Variants in SREK1 observed in about 807,000 individuals in gnomAD.
The protein encoded by SREK1 is splicing regulatory glutamine/lysine-rich protein 1.
A neutral mutation model predicts 66.5 loss-of-function variants in SREK1; 13 were observed. The ratio of observed to expected loss-of-function variants is 0.20; its 90% CI spans 0.13 to 0.31. The LOEUF (loss-of-function observed/expected upper bound fraction) is 0.31. Among genes scored for constraint, SREK1 ranks in the 10% least tolerant of loss-of-function variants. The pLI, the probability that SREK1 is intolerant of heterozygous loss-of-function variation, is 1.00. For synonymous variants in SREK1, 265 were observed against 263.5 expected, an observed-to-expected ratio of 1.01 and a Z score of -0.05; for missense variants, 607 against 769.6, an observed-to-expected ratio of 0.79 and a Z score of 2.50.
intron 2 of SREK1, among the ~76,000 whole-genome samples, chr5:66,155,435 A>G (rs886447768): frequency 6.6e-6 from 1 of 152,232 alleles, no homozygotes; most frequent in Non-Finnish European, 1.5e-5. Flanking sequence ...CGAGAATTTC[A>G]CAGTGAGCTG....
At chr5:66,150,516 A>G (rs537042064) in intron 1 of SREK1, among the ~76,000 whole-genome samples, 69 of 152,328 alleles carry the variant, frequency 4.5e-4, no homozygotes, top group African/African-American at 1.4e-3. Context: ...CCTTTAAGGA[A>G]ATTTGATATG....
At chr5:66,155,534 A>G (rs1426323866) in intron 2 of SREK1, among the ~76,000 whole-genome samples, 2 of 152,232 alleles carry the variant, frequency 1.3e-5, no homozygotes, top group Admixed American at 6.5e-5. Context: ...TAACCAAAGA[A>G]AAGTATTCCA....
At chr5:66,162,050 T>C in intron 3 of SREK1, 59 bp from the exon 4 acceptor site, 1 of 1,552,198 alleles carries the variant, frequency 6.4e-7, no homozygotes, top group East Asian at 2.3e-5. Context: ...TAGAGAATGG[T>C]ATCTTTGGAT....
chr5:66,156,815 T>C (rs1744323047), intron 2 of SREK1: 1 of 985,408 alleles, frequency 1.0e-6, no homozygotes, highest in Non-Finnish European at 1.2e-6. Context: ...AACTTAAGTA[T>C]TTGCATGTAG....
At chr5:66,154,952 A>G (rs1213336142) in intron 2 of SREK1, among the ~76,000 whole-genome samples, 2 of 152,216 alleles carry the variant, frequency 1.3e-5, no homozygotes, top group Non-Finnish European at 2.9e-5. Context: ...AAATCAGGTA[A>G]AAGGTTTATT....
chr5:66,156,101 C>T (rs1315009170), intron 2 of SREK1: 1 of 1,512,574 alleles, frequency 6.6e-7, no homozygotes, highest in Non-Finnish European at 8.8e-7. Context: ...GTTACACTTG[C>T]CTGAGTTAGG....
At chr5:66,148,730 G>C (rs1743489555) in intron 1 of SREK1, among the ~76,000 whole-genome samples, 1 of 152,122 alleles carries the variant, frequency 6.6e-6, no homozygotes, top group Non-Finnish European at 1.5e-5. Context: ...CTAAAGTGCT[G>C]GGGTGACAGA....
At chr5:66,153,818 G>T in intron 2 of SREK1, 5 of 481,894 alleles carry the variant, frequency 1.0e-5, no homozygotes, top group East Asian at 4.1e-5. Flanking sequence ...ATTGGCTTCT[G>T]GTTTGCTTTG....
chr5:66,168,140 T>C (rs1745320479), intron 7 of SREK1: 1 of 151,676 alleles, frequency 6.6e-6, no homozygotes, highest in Non-Finnish European at 1.5e-5. Flanking sequence ...AAAAAAAATA[T>C]GGAATGAAGA....
intron 9 of SREK1, 108 bp downstream of exon 9, chr5:66,171,055 G>A: frequency 2.3e-6 from 3 of 1,314,176 alleles, no homozygotes; most frequent in Non-Finnish European, 3.1e-6. Flanking sequence ...AACCTGTAAA[G>A]TAATATAAGA....
At chr5:66,161,108 A>G (rs967704324) in intron 3 of SREK1, among the ~76,000 whole-genome samples, 1 of 152,178 alleles carries the variant, frequency 6.6e-6, no homozygotes, top group Non-Finnish European at 1.5e-5. Flanking sequence ...TCAGCATGAT[A>G]ATAATAACCC....
At chr5:66,146,818 TAGA>T (rs1743275263) in intron 1 of SREK1, among the ~76,000 whole-genome samples, 1 of 152,204 alleles carries the variant, frequency 6.6e-6, no homozygotes, top group Non-Finnish European at 1.5e-5. Flanking sequence ...TAGAGTTGAG[TAGA>T]AATTTAAATT....
intron 1 of SREK1, among the ~76,000 whole-genome samples, chr5:66,149,095 T>C (rs1033885596): frequency 6.6e-6 from 1 of 152,254 alleles, no homozygotes; most frequent in Non-Finnish European, 1.5e-5. Context: ...GGCCCACGCC[T>C]GTAATCCCAG....
rs1396593318 is a variant in SREK1 at position 66,163,888 on chromosome 5, A to T, written c.852A>T (p.Glu284Asp). Residue 284 changes from glutamate to aspartate, a missense_variant, in exon 6 of 12, where the codon GAA becomes GAT. Around this residue, in one of 5 missense-constraint regions of SREK1, gnomAD observed 112 missense variants for 168.6 expected, o/e 0.66. Coordinates refer to ENST00000334121, the MANE Select transcript of SREK1 (RefSeq NM_001077199.3). Reference protein sequence around the residue: ...ELEEVMKRVREAQSFISAAIE... With the variant: ...ELEEVMKRVRDAQSFISAAIE... ...AAGAAGTAATGAAGCGAGTACGAGAAGCTCAGTCATTTATCTCAGCAGCTA... is the reference window on the plus strand; with the variant it reads ...AAGAAGTAATGAAGCGAGTACGAGATGCTCAGTCATTTATCTCAGCAGCTA... 1 of 1,613,756 alleles carries T rather than the reference A, an allele frequency of 6.2e-7. No homozygotes were observed. Among genetic ancestry groups the T allele is most frequent in the East Asian group, 2.2e-5 (1 of 44,850 alleles).
intron 2 of SREK1, chr5:66,153,850 G>GA (rs2111970038): frequency 2.5e-6 from 1 of 406,186 alleles, no homozygotes; most frequent in East Asian, 4.9e-5. Context: ...TCAATTTGCA[G>GA]ATTGCAAAGA....
At chr5:66,165,533 T>A (rs1230234924) in intron 7 of SREK1, 27 of 152,254 alleles carry the variant, frequency 1.8e-4, no homozygotes, top group Admixed American at 1.8e-3. Flanking sequence ...TTGATTTTCT[T>A]TATCTGTCAT....
chr5:66,160,138 A>G (rs1459620379), intron 3 of SREK1, among the ~76,000 whole-genome samples: 2 of 151,966 alleles, frequency 1.3e-5, no homozygotes, highest in Non-Finnish European at 2.9e-5. Context: ...AAAAAAAAAA[A>G]GGGTATATTA....
At position 66,153,799 on chromosome 5, in the gene SREK1, T is replaced by G. The variant is rs1744052846; in HGVS notation, c.295+203T>G. 2.7e-5 allele frequency: 15 copies of G among 550,430 alleles called. No homozygotes were observed. The East Asian group carries it at 5.5e-4, about 20-fold the overall frequency. 34.1% of individuals were successfully genotyped at this position (550,430 alleles called of 1,614,324 possible). A position where few individuals can be genotyped will look rare whatever the true frequency, so the allele number is the denominator to read the frequency against. Reference sequence around the variant, plus strand: ...ACATGTACATTTGAGGTTTTACAATTTAACATTCATTGGCTTCTGGTTTGC... The same window carrying G: ...ACATGTACATTTGAGGTTTTACAATGTAACATTCATTGGCTTCTGGTTTGC... On this transcript the variant is annotated intron_variant, in intron 2 of 11. Transcript: ENST00000334121.
Position 66,170,581 on chromosome 5 carries a change from A to G in SREK1, c.1122-4A>G. 6.3e-7 allele frequency: 1 copy of G among 1,577,242 alleles called. No homozygotes were observed. The highest frequency in any genetic ancestry group is 1.2e-5 in the South Asian group (1 of 83,516). ...TATGAATTTATTTATTTTTGTTTTTAAAGGGACAAGAGAAAAGACACTCGA... is the reference window on the plus strand; with the variant it reads ...TATGAATTTATTTATTTTTGTTTTTGAAGGGACAAGAGAAAAGACACTCGA... On this transcript the variant is annotated splice_polypyrimidine_tract_variant and splice_region_variant and intron_variant, in intron 8 of 11. Transcript: ENST00000334121.
Sources: gnomAD v4.1 joint callset for allele counts (sites outside exome capture counted in the v4.1 genomes callset) on GRCh38, gnomAD v4.1.1 for gene constraint, gnomAD v4.1.1 regional missense constraint, MANE v1.5 for transcripts, NCBI Gene and HGNC (gene_info 2026-07-23, HGNC 2026-07-21) for gene names.